SOX5: variants seen among roughly 807,000 people sequenced by gnomAD.
SOX5 encodes transcription factor SOX-5.
A neutral mutation model predicts 92.0 loss-of-function variants in SOX5; 9 were observed. That is an observed-to-expected ratio of 0.10 (90% CI 0.06 to 0.17). The LOEUF (loss-of-function observed/expected upper bound fraction) is 0.17, where lower values mean the gene tolerates loss of function less well. Among genes scored for constraint, SOX5 ranks in the 10% least tolerant of loss-of-function variants. SOX5 has a pLI of 1.00. For synonymous variants in SOX5, 344 were observed against 336.3 expected (o/e 1.02, Z -0.25); for missense variants, 642 against 944.5 (o/e 0.68, Z 4.20).
intron 3 of SOX5, among the ~76,000 whole-genome samples, chr12:24,220,194 T>C (rs916186998): frequency 1.3e-5 from 2 of 152,100 alleles, no homozygotes; most frequent in African/African-American, 4.8e-5. Context: ...AGATGATTTA[T>C]ACTAGATATA....
In SOX5 at chr12:24,387,648, C is replaced by T. The variant is rs1024830562; in HGVS notation, c.-250-19009G>A. Among the ~76,000 whole-genome samples the T allele has an allele frequency of 2.6e-5, 4 of 151,992 alleles. No individual in the cohort carries two copies. In the East Asian group the frequency reaches 5.8e-4, roughly 22 times the overall value. ...CTCTGACATCTTTCATGAAAGATGA[C>T]GATAATTTTCTTACAGGGAATATTA... On this transcript the variant is annotated intron_variant, in intron 1 of 4. Transcript: ENST00000446891.
At chr12:24,144,073 C>A (rs1348535571) in intron 4 of SOX5, among the ~76,000 whole-genome samples, 2 of 151,142 alleles carry the variant, frequency 1.3e-5, no homozygotes, top group Non-Finnish European at 2.9e-5. Flanking sequence ...AAAAATCCCA[C>A]AAGCAGCCAG....
At chr12:23,956,754 C>T (rs775049422) in intron 4 of SOX5, among the ~76,000 whole-genome samples, 1 of 151,930 alleles carries the variant, frequency 6.6e-6, no homozygotes, top group Non-Finnish European at 1.5e-5. Flanking sequence ...GGTGTGACCT[C>T]GGCTCACTGC....
intron 9 of SOX5, among the ~76,000 whole-genome samples, chr12:23,600,066 G>C (rs1400279329): frequency 6.6e-6 from 1 of 152,096 alleles, no homozygotes; most frequent in African/African-American, 2.4e-5. Flanking sequence ...CATTTGTTAA[G>C]GCCATAAGCA....
chr12:23,917,855 T>G (rs2097434007), intron 1 of SOX5, among the ~76,000 whole-genome samples: 1 of 152,160 alleles, frequency 6.6e-6, no homozygotes, highest in South Asian at 2.1e-4. Flanking sequence ...ATGGGTCTCA[T>G]TTAAAAGTAC....
At chr12:23,775,452 C>T (rs1252330440) in intron 3 of SOX5, among the ~76,000 whole-genome samples, 1 of 152,170 alleles carries the variant, frequency 6.6e-6, no homozygotes, top group Non-Finnish European at 1.5e-5. Context: ...AGTAACAGTA[C>T]TGACCCACCA....
chr12:24,490,512 C>A (rs1015628044), intron 1 of SOX5, among the ~76,000 whole-genome samples: 3 of 152,034 alleles, frequency 2.0e-5, no homozygotes, highest in Non-Finnish European at 2.9e-5. Context: ...CATTTTGAAA[C>A]AGGTATGAAA....
At chr12:24,349,202 AAAC>A in intron 2 of SOX5, among the ~76,000 whole-genome samples, 1 of 152,332 alleles carries the variant, frequency 6.6e-6, no homozygotes, top group South Asian at 2.1e-4. Flanking sequence ...CGTCTTTGCT[AAAC>A]AATTCATCTA....
chr12:24,527,300 G>A (rs866050497), intron 1 of SOX5, among the ~76,000 whole-genome samples: 2 of 152,162 alleles, frequency 1.3e-5, no homozygotes, highest in South Asian at 4.1e-4. Context: ...TGTATTTGAG[G>A]TCAGTGTCTC....
At chr12:24,161,564 G>A (rs530661972) in intron 4 of SOX5, among the ~76,000 whole-genome samples, 6 of 152,042 alleles carry the variant, frequency 3.9e-5, no homozygotes, top group Non-Finnish European at 8.8e-5. Context: ...AATCAATTAA[G>A]AAATAATATT....
intron 1 of SOX5, among the ~76,000 whole-genome samples, chr12:24,437,194 A>T (rs980230165): frequency 2.0e-5 from 3 of 152,222 alleles, no homozygotes; most frequent in African/African-American, 7.2e-5. Flanking sequence ...CAATGTAAGA[A>T]ATATATTTTG....
rs1350004587 is a variant in SOX5 at position 23,533,235 on chromosome 12, C to A, written c.*984G>T. 1 of 453,908 alleles carries A rather than the reference C, an allele frequency of 2.2e-6. No individual in the cohort carries two copies. The highest frequency in any genetic ancestry group is 7.0e-5 in the East Asian group (1 of 14,332). 28.1% of individuals were successfully genotyped at this position (453,908 alleles called of 1,614,324 possible). A position where few individuals can be genotyped will look rare whatever the true frequency, so the allele number is the denominator to read the frequency against. Reference sequence around the variant, plus strand: ...TCCAACGTTATTCCTATTATTAGTACCATAATCACATACATACATACACAC... The same window carrying A: ...TCCAACGTTATTCCTATTATTAGTAACATAATCACATACATACATACACAC... On this transcript the variant is annotated 3_prime_UTR_variant, in exon 15 of 15. Transcript: ENST00000451604.
chr12:23,652,826 C>A (rs181697409), intron 7 of SOX5, among the ~76,000 whole-genome samples: 2 of 152,050 alleles, frequency 1.3e-5, no homozygotes, highest in African/African-American at 4.8e-5. Context: ...TAACGAAATT[C>A]GTTCTCTCTC....
At chr12:23,951,145 C>T (rs1215700024), upstream of SOX5, 1 of 435,952 alleles carries the variant, frequency 2.3e-6, no homozygotes, top group East Asian at 3.6e-5. Flanking sequence ...ATTAGATTTT[C>T]TGTGGAGAAT....
intron 3 of SOX5, among the ~76,000 whole-genome samples, chr12:24,216,098 C>T (rs1959150294): frequency 6.6e-6 from 1 of 152,120 alleles, no homozygotes; most frequent in African/African-American, 2.4e-5. Flanking sequence ...CTTGAAATTC[C>T]CTGAGTGATA....
chr12:23,934,601 AATAC>A (rs1483106172), intron 1 of SOX5, among the ~76,000 whole-genome samples: 2 of 151,046 alleles, frequency 1.3e-5, no homozygotes, highest in African/African-American at 4.8e-5. Context: ...CAGTTTATAC[AATAC>A]ATAATGTTCA....
chr12:24,225,069 C>T (rs1194770952), intron 3 of SOX5, among the ~76,000 whole-genome samples: 21 of 152,212 alleles, frequency 1.4e-4, no homozygotes, highest in Admixed American at 1.4e-3. Flanking sequence ...AAGTGCTAGA[C>T]ACACAGTAGG....
chr12:24,113,426 A>G (rs1266873015), intron 4 of SOX5, among the ~76,000 whole-genome samples: 1 of 152,014 alleles, frequency 6.6e-6, no homozygotes, highest in Non-Finnish European at 1.5e-5. Flanking sequence ...ATTTCTGAAA[A>G]AAATTAATGT....
chr12:23,565,960 T>C (rs886210951), intron 10 of SOX5, among the ~76,000 whole-genome samples: 1 of 152,176 alleles, frequency 6.6e-6, no homozygotes, highest in African/African-American at 2.4e-5. Flanking sequence ...GGCTGAACTC[T>C]CACCTTCCTG....
Sources: allele counts gnomAD v4.1 joint callset (sites outside exome capture counted in the v4.1 genomes callset), GRCh38; gene constraint gnomAD v4.1.1; transcripts MANE v1.5; gene names NCBI Gene and HGNC (gene_info 2026-07-23, HGNC 2026-07-21).